SYT4: variants seen among roughly 807,000 people sequenced by gnomAD.
SYT4 encodes the protein synaptotagmin 4.
A neutral mutation model predicts 32.9 loss-of-function variants in SYT4; 7 were observed. The observed-to-expected ratio is 0.21, with a 90% CI of 0.12 to 0.40. The LOEUF (loss-of-function observed/expected upper bound fraction) is 0.40, where lower values mean the gene tolerates loss of function less well. Among genes scored for constraint, SYT4 ranks in the 10% least tolerant of loss-of-function variants. The pLI is 1.00. For missense variants in SYT4, 480 were observed against 488.0 expected (o/e 0.98, Z 0.16); for synonymous variants, 205 against 186.2 (o/e 1.10, Z -0.82).
At position 43,270,238 on chromosome 18, in the gene SYT4, A is replaced by G; in HGVS notation, c.*103T>C. 2 of 1,268,056 alleles carry G rather than the reference A, an allele frequency of 1.6e-6. No homozygotes were observed. The highest frequency in any genetic ancestry group is 2.2e-6 in the Non-Finnish European group (2 of 911,172). 78.6% of individuals were successfully genotyped at this position (1,268,056 alleles called of 1,614,324 possible). On this transcript the variant is annotated 3_prime_UTR_variant, in exon 4 of 4. Transcript: ENST00000255224. ...CATTTCTAGCAACAACAACAACAAC[A>G]AAAAGGTAGCTTGATTTCCCAAGCT...
At position 43,270,594 on chromosome 18, in the gene SYT4, T is replaced by G; in HGVS notation, c.1025A>C (p.Lys342Thr). 1 of 1,614,042 alleles carries G rather than the reference T, an allele frequency of 6.2e-7. No individual in the cohort carries two copies. Among genetic ancestry groups the G allele is most frequent in the African/African-American group, 1.3e-5 (1 of 75,034 alleles). ...YHAKKRISKK[K>T]THVKKCTPNA... ...GGGGGTGCATTTCTTCACATGAGTC[T>G]TCTTCTTGGAGATTCTCTTTTTGGC... The change falls in exon 4 of 4, where the codon AAG becomes ACG. Residue 342 changes from lysine (K) to threonine (T), a missense_variant. By Grantham distance (78) the Lys-to-Thr change is moderately conservative. Transcript: ENST00000255224.
At chr18:43,276,102 G>A (rs1351365329) in intron 1 of SYT4, among the ~76,000 whole-genome samples, 2 of 152,064 alleles carry the variant, frequency 1.3e-5, no homozygotes, top group Non-Finnish European at 2.9e-5. Context: ...AATCATTCAG[G>A]TTTCAAATGA....
At chr18:43,273,458 T>C in intron 2 of SYT4, 122 bp downstream of exon 2, 1 of 637,800 alleles carries the variant, frequency 1.6e-6, no homozygotes, top group Non-Finnish European at 2.6e-6. Context: ...TTATAATTAA[T>C]AATAATTAAA....
chr18:43,273,864 T>C lies in SYT4; in HGVS notation c.565A>G (p.Thr189Ala). ...GTCATTTTGATATATGGGTCAGAGGTCATCGACTGCTCATCCATGGCTGGC... is the reference window on the plus strand; with the variant it reads ...GTCATTTTGATATATGGGTCAGAGGCCATCGACTGCTCATCCATGGCTGGC... Reference protein sequence around the residue: ...GLPAMDEQSMTSDPYIKMTIL... With the variant: ...GLPAMDEQSMASDPYIKMTIL... Residue 189 changes from threonine (T) to alanine (A), a missense_variant, in exon 2 of 4, where the codon ACC (threonine) becomes GCC (alanine). By Grantham distance (58) the Thr-to-Ala change is moderately conservative (BLOSUM62 0). Transcript: ENST00000255224. The C allele has an allele frequency of 6.2e-7, 1 of 1,614,050 alleles. No homozygotes were observed.
In SYT4 at chr18:43,273,679, T is replaced by C. The variant is rs1329929001; in HGVS notation, c.750A>G (p.Arg250=). 1 of 1,613,828 alleles carries C rather than the reference T, an allele frequency of 6.2e-7. No homozygotes were observed. The highest frequency in any genetic ancestry group is 2.2e-5 in the East Asian group (1 of 44,864). ...FTILSFDRFS[R]DDIIGEVLIP... The stretch of plus-strand genomic sequence containing the variant: ...TTAGAACTTCCCCAATGATATCATC[T>C]CTTGAAAACCTGTCAAAACTCAAAA... The change falls in exon 2 of 4, where the codon AGA becomes AGG. Residue 250 remains arginine (R), a synonymous_variant. Coordinates refer to ENST00000255224, the MANE Select transcript of SYT4 (RefSeq NM_020783.4).
rs758476619 is a variant in SYT4 at position 43,273,705 on chromosome 18, T to C, written c.724A>G (p.Ile242Val). 6.2e-7 allele frequency: 1 copy of C among 1,613,976 alleles called. No homozygotes were observed. Among genetic ancestry groups the C allele is most frequent in the South Asian group, 1.1e-5 (1 of 91,066 alleles). The change falls in exon 2 of 4, where the codon ATT becomes GTT. Residue 242 changes from isoleucine to valine, a missense_variant. By Grantham distance (29) the Ile-to-Val change is conservative. Transcript: ENST00000255224. ...QIQELALHFTILSFDRFSRDD... is the reference protein window; with the variant it reads ...QIQELALHFTVLSFDRFSRDD... ...CTTGAAAACCTGTCAAAACTCAAAA[T>C]TGTGAAGTGCAAGGCCAATTCTTGG...
In SYT4 at chr18:43,268,765, T is replaced by C. The variant is rs1350083056; in HGVS notation, c.*1576A>G. On this transcript the variant is annotated 3_prime_UTR_variant, in exon 4 of 4. Coordinates refer to ENST00000255224, the MANE Select transcript of SYT4 (RefSeq NM_020783.4). ...AAAAGAGGTTGATTTTTAATCTTTG[T>C]ACATACAGAATGTAATACATTTTCT... 2.6e-5 allele frequency: 4 copies of C among 152,638 alleles called. No individual in the cohort carries two copies. The highest frequency in any genetic ancestry group is 4.8e-5 in the African/African-American group (2 of 41,452). The allele number at this position is 152,638 out of a possible 1,614,324, so 9.5% of individuals were successfully genotyped here.
rs1398465613 is a variant in SYT4 at position 43,270,117 on chromosome 18, T to C, written c.*224A>G. On this transcript the variant is annotated 3_prime_UTR_variant, in exon 4 of 4. Transcript: ENST00000255224. The stretch of plus-strand genomic sequence containing the variant: ...TATCACTGGTAATCTGAAGGAGATA[T>C]TGAATATCTTATGAAAATTTATCCA... 1.8e-6 allele frequency: 1 copy of C among 546,574 alleles called. No individual in the cohort carries two copies. Among genetic ancestry groups the C allele is most frequent in the Non-Finnish European group, 3.2e-6 (1 of 309,674 alleles). 33.9% of individuals were successfully genotyped at this position (546,574 alleles called of 1,614,324 possible).
chr18:43,275,733 T>C (rs1017055246), intron 1 of SYT4, among the ~76,000 whole-genome samples: 1 of 152,150 alleles, frequency 6.6e-6, no homozygotes, highest in African/African-American at 2.4e-5. Context: ...TCCTGTATTT[T>C]AATGTACAGA....
Position 43,270,420 on chromosome 18 carries a change from G to A in SYT4, c.1199C>T (p.Thr400Ile). ...GATCTCTTTCCAGTGCTCTCCACCA[G>A]TTCCTTCTGCTGCTGCACCCAAGAC... The part of the protein sequence containing the change: ...QLVLGAAAEG[T>I]GGEHWKEICD... The change falls in exon 4 of 4, where the codon ACT (threonine) becomes ATT (isoleucine). Residue 400 changes from threonine (T) to isoleucine (I), a missense_variant. Physicochemically the swap from Thr to Ile is moderately conservative, Grantham distance 89. Transcript: ENST00000255224. 1 of 1,614,086 alleles carries A rather than the reference G, an allele frequency of 6.2e-7. No homozygotes were observed. The highest frequency in any genetic ancestry group is 8.5e-7 in the Non-Finnish European group (1 of 1,179,964).
intron 1 of SYT4, among the ~76,000 whole-genome samples, chr18:43,274,833 A>T (rs998506528): frequency 1.3e-5 from 2 of 152,182 alleles, no homozygotes; most frequent in African/African-American, 4.8e-5. Flanking sequence ...CTCAGAATTC[A>T]AGCAGCAAAC....
chr18:43,268,150 C>A lies in SYT4; in HGVS notation c.*2191G>T, dbSNP rs1349470116. The A allele has an allele frequency of 3.3e-5, 5 of 152,562 alleles. No homozygotes were observed. In the East Asian group the frequency reaches 7.7e-4, roughly 23 times the overall value. The allele number at this position is 152,562 out of a possible 1,614,324, so 9.5% of individuals were successfully genotyped here. A position where few individuals can be genotyped will look rare whatever the true frequency, so the allele number is the denominator to read the frequency against. On this transcript the variant is annotated 3_prime_UTR_variant, in exon 4 of 4. Transcript: ENST00000255224. Reference sequence around the variant, plus strand: ...GTTTAATACAGTGCAGGATTTGTAACAGGATTCAAGATATTCACATTGATA... The same window carrying A: ...GTTTAATACAGTGCAGGATTTGTAAAAGGATTCAAGATATTCACATTGATA...
chr18:43,273,945 C>G lies in SYT4; in HGVS notation c.484G>C (p.Glu162Gln). 1.2e-6 allele frequency: 2 copies of G among 1,613,964 alleles called. No homozygotes were observed. Among genetic ancestry groups the G allele is most frequent in the Non-Finnish European group, 1.7e-6 (2 of 1,179,926 alleles). Residue 162 changes from glutamate (E) to glutamine (Q), a missense_variant, in exon 2 of 4, where the codon GAA becomes CAA. Transcript: ENST00000255224. The stretch of plus-strand genomic sequence containing the variant: ...AATGCTTTTCTCTCGAAGTTGTATT[C>G]TAAGGAGAAGAAGAGAGTTCCCAGC... Reference protein sequence around the residue: ...EKLGTLFFSLEYNFERKAFVV... With the variant: ...EKLGTLFFSLQYNFERKAFVV...
intron 3 of SYT4, 82 bp downstream of exon 3, chr18:43,271,630 A>C: frequency 1.3e-6 from 2 of 1,543,818 alleles, no homozygotes; most frequent in Non-Finnish European, 1.8e-6. Context: ...AAAAGATAGA[A>C]GAGTAAGAGT....
intron 1 of SYT4, 132 bp from the exon 2 acceptor site, chr18:43,274,526 A>G (rs938185056): frequency 3.0e-6 from 2 of 676,056 alleles, no homozygotes; most frequent in Admixed American, 3.3e-5. Context: ...TGTTCTGGGT[A>G]TGAGTTAAGT....
Position 43,277,325 on chromosome 18 carries a change from C to G in SYT4, c.-44G>C. 6.2e-7 allele frequency: 1 copy of G among 1,613,366 alleles called. No individual in the cohort carries two copies. The highest frequency in any genetic ancestry group is 8.5e-7 in the Non-Finnish European group (1 of 1,179,448). On this transcript the variant is annotated 5_prime_UTR_variant, in exon 1 of 4. Transcript: ENST00000255224. ...TCCGAGGTGCTGAAGGGAAAACTGC[C>G]TGGCTGGATTCACTTGCCTGGATCT...
chr18:43,270,675 A>T (rs1169284807), intron 3 of SYT4, 27 bp from the exon 4 acceptor site: 1 of 1,607,814 alleles, frequency 6.2e-7, no homozygotes, highest in Non-Finnish European at 8.5e-7. Flanking sequence ...CAGGCATTAC[A>T]ATGGCATAAC....
At chr18:43,271,521 G>A (rs1045068582) in intron 3 of SYT4, among the ~76,000 whole-genome samples, 191 bp downstream of exon 3, 2 of 152,082 alleles carry the variant, frequency 1.3e-5, no homozygotes, top group East Asian at 3.9e-4. Context: ...GTTTCTCATT[G>A]TGCTATACAA....
At chr18:43,271,964 T>A in intron 2 of SYT4, 132 bp from the exon 3 acceptor site, 1 of 1,039,972 alleles carries the variant, frequency 9.6e-7, no homozygotes, top group Non-Finnish European at 1.3e-6. Flanking sequence ...TCTAAGGAAT[T>A]GAAGAGTAAC....
Sources: gnomAD v4.1 joint callset for allele counts (sites outside exome capture counted in the v4.1 genomes callset) on GRCh38, gnomAD v4.1.1 for gene constraint, MANE v1.5 for transcripts, NCBI Gene and HGNC (gene_info 2026-07-23, HGNC 2026-07-21) for gene names.